Variants in PHIP observed in about 807,000 individuals in gnomAD.
PHIP encodes the protein PH-interacting protein.
A neutral mutation model predicts 236.8 loss-of-function variants in PHIP; 54 were observed. The ratio of observed to expected loss-of-function variants is 0.23; its 90% CI spans 0.18 to 0.29. PHIP has a LOEUF of 0.29. PHIP is among the 10% of genes least tolerant of loss of function. PHIP has a pLI of 1.00. For missense variants in PHIP, 1,370 were observed against 2,190.8 expected (o/e 0.63, Z 7.48); for synonymous variants, 756 against 718.9 (o/e 1.05, Z -0.83).
intron 21 of PHIP, among the ~76,000 whole-genome samples, chr6:78,986,826 A>C (rs1768897635): frequency 1.3e-5 from 2 of 152,302 alleles, no homozygotes; most frequent in South Asian, 4.1e-4. Context: ...TGCATATTTT[A>C]TTAACAAAAA....
intron 20 of PHIP, among the ~76,000 whole-genome samples, chr6:78,989,960 C>A (rs1439875292): frequency 6.6e-6 from 1 of 151,936 alleles, no homozygotes. Flanking sequence ...CTACTGATCC[C>A]AGGGTATGAT....
intron 4 of PHIP, among the ~76,000 whole-genome samples, chr6:79,075,328 T>C (rs1258436850): frequency 6.6e-6 from 1 of 151,970 alleles, no homozygotes; most frequent in Admixed American, 6.5e-5. Flanking sequence ...GAGTAAGCAA[T>C]ATGCTGAATG....
chr6:78,948,900 A>G (rs1773980928), intron 35 of PHIP, among the ~76,000 whole-genome samples: 1 of 152,214 alleles, frequency 6.6e-6, no homozygotes, highest in African/African-American at 2.4e-5. Context: ...CTGACCATGA[A>G]GAAGGTGTCC....
chr6:79,049,109 G>C (rs968251677), intron 6 of PHIP, among the ~76,000 whole-genome samples: 1 of 149,932 alleles, frequency 6.7e-6, no homozygotes, highest in Admixed American at 6.7e-5. Context: ...TCACTCTGTC[G>C]TACAGGCTGG....
intron 35 of PHIP, among the ~76,000 whole-genome samples, chr6:78,953,131 TC>T (rs964462230): frequency 2.1e-4 from 32 of 152,206 alleles, no homozygotes; most frequent in African/African-American, 7.2e-4. Context: ...AAATTTGGAT[TC>T]TAAGTCCATG....
At chr6:79,061,237 A>G (rs1156803261) in intron 4 of PHIP, among the ~76,000 whole-genome samples, 1 of 152,206 alleles carries the variant, frequency 6.6e-6, no homozygotes, top group Non-Finnish European at 1.5e-5. Context: ...AATATTCACT[A>G]TCTAAATAAA....
chr6:78,976,612 TC>T (rs1206720084), intron 24 of PHIP, among the ~76,000 whole-genome samples: 1 of 143,292 alleles, frequency 7.0e-6, no homozygotes, highest in Admixed American at 7.1e-5. Flanking sequence ...GAGAAAATTT[TC>T]GCAATCTACT....
chr6:78,994,555 C>T (rs888218235), intron 19 of PHIP, among the ~76,000 whole-genome samples: 1 of 150,620 alleles, frequency 6.6e-6, no homozygotes, highest in Non-Finnish European at 1.5e-5. Flanking sequence ...CCAGCCTGGG[C>T]AACAAAGTAA....
At chr6:78,992,112 G>A (rs887337225) in intron 19 of PHIP, among the ~76,000 whole-genome samples, 1 of 151,548 alleles carries the variant, frequency 6.6e-6, no homozygotes, top group African/African-American at 2.4e-5. Context: ...ACATGCGTCC[G>A]CCACCTCGCC....
intron 15 of PHIP, among the ~76,000 whole-genome samples, chr6:79,011,958 T>A (rs920564267): frequency 3.3e-5 from 5 of 151,496 alleles, no homozygotes; most frequent in African/African-American, 9.7e-5. Context: ...ATTAATGTTT[T>A]ATAATCTTAT....
chr6:78,994,910 T>C (rs1459698328), intron 19 of PHIP, among the ~76,000 whole-genome samples: 1 of 152,166 alleles, frequency 6.6e-6, no homozygotes, highest in African/African-American at 2.4e-5. Context: ...TCAGACATAA[T>C]CATATTGTTC....
In PHIP at chr6:78,982,796, C is replaced by A. The variant is rs762597862; in HGVS notation, c.2769+90G>T. 91 of 771,000 alleles carry A rather than the reference C, an allele frequency of 1.2e-4. 1 individual carries two copies. The highest frequency in any genetic ancestry group is 1.7e-4 in the Non-Finnish European group (84 of 485,940). The allele number at this position is 771,000 out of a possible 1,614,324, so 47.8% of individuals were successfully genotyped here. A position where few individuals can be genotyped will look rare whatever the true frequency, so the allele number is the denominator to read the frequency against. On this transcript the variant is annotated intron_variant, in intron 23 of 39. Transcript: ENST00000275034. ...TCTATTATTATTTGCTGATACACTT[C>A]AACAATGTTTGTGATCAATTGTACT...
chr6:78,993,407 T>C (rs1769398891), intron 19 of PHIP, among the ~76,000 whole-genome samples: 1 of 152,162 alleles, frequency 6.6e-6, no homozygotes, highest in Admixed American at 6.5e-5. Context: ...TGGAAGAAGA[T>C]ATCATCTGGA....
intron 7 of PHIP, among the ~76,000 whole-genome samples, chr6:79,037,442 T>C (rs1771995919): frequency 6.6e-6 from 1 of 152,202 alleles, no homozygotes; most frequent in African/African-American, 2.4e-5. Context: ...ATGGTTACAT[T>C]AGTATTTCCA....
chr6:79,064,333 T>C lies in PHIP; in HGVS notation c.190-3515A>G, dbSNP rs181064743. Among the ~76,000 whole-genome samples, 263 of 152,290 alleles carry C rather than the reference T, an allele frequency of 1.7e-3. 1 individual carries two copies. Among genetic ancestry groups the C allele is most frequent in the African/African-American group, 5.6e-3 (234 of 41,568 alleles). ...CAAAAATCCTGCCTAACTGCTATTA[T>C]CCAACACCTCCCCACCCAAATATCC... On this transcript the variant is annotated intron_variant, in intron 4 of 39. Coordinates refer to ENST00000275034, the MANE Select transcript of PHIP (RefSeq NM_017934.7).
In PHIP at chr6:78,938,603, A is replaced by G. The variant is rs1773357677; in HGVS notation, c.*2090T>C. 1 of 151,648 alleles carries G rather than the reference A, an allele frequency of 6.6e-6. No homozygotes were observed. The highest frequency in any genetic ancestry group is 2.4e-5 in the African/African-American group (1 of 41,414). 9.4% of individuals were successfully genotyped at this position (151,648 alleles called of 1,614,324 possible). ...TTTTCAAGAATGGTGTAACTGAAAG[A>G]CTCATTTTTCTATACAATCAAGCCA... is the stretch of plus-strand genomic sequence containing the variant. On this transcript the variant is annotated 3_prime_UTR_variant, in exon 40 of 40. Coordinates refer to ENST00000275034, the MANE Select transcript of PHIP (RefSeq NM_017934.7).
At chr6:79,015,890 C>T (rs1012483129) in intron 13 of PHIP, 107 bp from the exon 14 acceptor site, 40 of 676,700 alleles carry the variant, frequency 5.9e-5, no homozygotes, top group African/African-American at 1.1e-4. Flanking sequence ...TAATAACTAT[C>T]ACTTAACAGT....
chr6:78,946,845 A>T lies in PHIP; in HGVS notation c.4236T>A (p.Ala1412=), dbSNP rs2275291. 456,719 of 1,567,480 alleles carry T rather than the reference A, an allele frequency of 0.29. 69,023 individuals are homozygous for T. The highest frequency in any genetic ancestry group is 0.31 in the Admixed American group (15,216 of 49,804). The change falls in exon 37 of 40, where the codon GCT becomes GCA. Residue 1412 remains alanine (A), a synonymous_variant. Coordinates refer to ENST00000275034, the MANE Select transcript of PHIP (RefSeq NM_017934.7). ...CTGAACTAATGTGTTCTTCAAAGAA[A>T]GCAGACAGGCGCAAACTCATGCTGT... ...RIYSMSLRLS[A]FFEEHISSVL... is the part of the protein sequence containing the mutation.
At position 78,968,446 on chromosome 6, in the gene PHIP, G is replaced by A. The variant is rs143639663; in HGVS notation, c.3205+1389C>T. Among the ~76,000 whole-genome samples, 96 of 152,228 alleles carry A rather than the reference G, an allele frequency of 6.3e-4. 1 individual carries two copies. In the South Asian group the frequency reaches 8.1e-3, roughly 13 times the overall value. On this transcript the variant is annotated intron_variant, in intron 27 of 39. Transcript: ENST00000275034. ...GCAGATTGAAAATACAGTATTAGTG[G>A]GATGTGAAATCCATGAATATGGAAG...
Sources: allele counts gnomAD v4.1 joint callset (sites outside exome capture counted in the v4.1 genomes callset), GRCh38; gene constraint gnomAD v4.1.1; transcripts MANE v1.5; gene names NCBI Gene and HGNC (gene_info 2026-07-23, HGNC 2026-07-21).